The following EIF2D variants were observed in gnomAD, a reference collection of about 807,000 sequenced individuals.
EIF2D encodes hepatocellular carcinoma-associated antigen 56.
In EIF2D, 56 loss-of-function variants were observed where a neutral mutation model predicts 77.4. The ratio of observed to expected loss-of-function variants is 0.72; its 90% CI spans 0.58 to 0.90. The LOEUF is 0.90. EIF2D is among the 40% of genes least tolerant of loss of function. The pLI, the probability that EIF2D is intolerant of heterozygous loss-of-function variation, is 0.00. For synonymous variants in EIF2D, 230 were observed against 271.0 expected, an observed-to-expected ratio of 0.85 and a Z score of 1.49; for missense variants, 574 against 706.5, an observed-to-expected ratio of 0.81 and a Z score of 2.13.
At chr1:206,608,421 G>C in intron 3 of EIF2D, 95 bp from the exon 4 acceptor site, 2 of 960,580 alleles carry the variant, frequency 2.1e-6, no homozygotes. Flanking sequence ...CAAAAAAATA[G>C]TTACTAGGTA....
At chr1:206,605,227 T>C in intron 5 of EIF2D, 173 bp downstream of exon 5, 1 of 515,338 alleles carries the variant, frequency 1.9e-6, no homozygotes, top group Non-Finnish European at 3.4e-6. Context: ...TCATTACTTG[T>C]CCAAACAGGG....
intron 3 of EIF2D, among the ~76,000 whole-genome samples, chr1:206,608,532 G>T (rs1670309270): frequency 6.6e-6 from 1 of 152,116 alleles, no homozygotes. Context: ...ATGAAAAATG[G>T]CAACTTCAGT....
rs1192937407 is a variant in EIF2D at position 206,579,569 on chromosome 1, G to A, written c.*254+1123C>T. On this transcript the variant is annotated intron_variant and NMD_transcript_variant, in intron 4 of 5. Transcript: ENST00000472709. The surrounding 1 kb of genome is among the most constrained non-coding windows in gnomAD (Gnocchi z 4.2). ...GGCACCAAGTGTTAATTCAGCAGCTGGATGAAGACCCTTGAGGTCTGGAAT... is the reference window on the plus strand; with the variant it reads ...GGCACCAAGTGTTAATTCAGCAGCTAGATGAAGACCCTTGAGGTCTGGAAT... Among the ~76,000 whole-genome samples the A allele has an allele frequency of 2.0e-5, 3 of 152,174 alleles. No individual in the cohort carries two copies. Among genetic ancestry groups the A allele is most frequent in the Non-Finnish European group, 4.4e-5 (3 of 68,018 alleles).
At position 206,595,820 on chromosome 1, in the gene EIF2D, C is replaced by A; in HGVS notation, c.1407G>T (p.Gln469His). ...SLLTRCLEKL[Q>H]PAYQVTLPGQ... ...CGGGAAGGGTCACTTGATAGGCAGG[C>A]TGTAATTTTTCCAAACACCTGAAAC... The change falls in exon 13 of 15, where the codon CAG becomes CAT. Residue 469 changes from glutamine to histidine, a missense_variant. Physicochemically the swap from Gln to His is conservative, Grantham distance 24. Coordinates refer to ENST00000271764, the MANE Select transcript of EIF2D (RefSeq NM_006893.3). 6.2e-7 allele frequency: 1 copy of A among 1,614,104 alleles called. No individual in the cohort carries two copies. Among genetic ancestry groups the A allele is most frequent in the Non-Finnish European group, 8.5e-7 (1 of 1,179,990 alleles).
intron 12 of EIF2D, 53 bp from the exon 13 acceptor site, chr1:206,595,891 C>T (rs1422814523): frequency 4.4e-6 from 7 of 1,599,846 alleles, no homozygotes; most frequent in African/African-American, 1.3e-5. Context: ...AAACCATTTC[C>T]TCATACCCCA....
chr1:206,611,149 T>TA lies in EIF2D; in HGVS notation c.247+34dup, dbSNP rs1553413871. 2.5e-6 allele frequency: 4 copies of TA among 1,578,586 alleles called. No homozygotes were observed. The Admixed American group carries it at 6.9e-5, about 27-fold the overall frequency. On this transcript the variant is annotated intron_variant, in intron 2 of 14. Transcript: ENST00000271764. ...AAGCAGATGTTAGGCAAGAACTACC[T>TA]AATGGTAATGGCCATCTTCGTCCTG...
At chr1:206,587,584 G>A, downstream of EIF2D, 1 of 156,388 alleles carries the variant, frequency 6.4e-6, no homozygotes, top group Non-Finnish European at 1.4e-5. Context: ...GCTGAGGCTG[G>A]CTCAGAGATC....
downstream of EIF2D, chr1:206,588,663 G>T (rs1553408261): frequency 6.6e-6 from 1 of 152,388 alleles, no homozygotes; most frequent in East Asian, 1.9e-4. Context: ...ACCCCTCGTC[G>T]TATGAACTGT....
chr1:206,593,955 G>T, intron 13 of EIF2D, 162 bp from the exon 14 acceptor site: 1 of 572,338 alleles, frequency 1.7e-6, no homozygotes, highest in Non-Finnish European at 2.9e-6. Flanking sequence ...TTATTTTTGT[G>T]CTTCTAAATT....
At position 206,608,208 on chromosome 1, in the gene EIF2D, C is replaced by T. The variant is rs370435601; in HGVS notation, c.422+28G>A. The T allele has an allele frequency of 3.1e-6, 5 of 1,598,726 alleles. No individual in the cohort carries two copies. The African/African-American group carries it at 5.4e-5, about 17-fold the overall frequency. On this transcript the variant is annotated intron_variant, in intron 4 of 14. Transcript: ENST00000271764. ...CTTCTCTTTTACACAAGTTTTTCCC[C>T]CAAAGGCACAGTTGCCTGGCACAGT...
chr1:206,596,047 C>A (rs553979690), intron 12 of EIF2D, among the ~76,000 whole-genome samples: 3 of 152,268 alleles, frequency 2.0e-5, no homozygotes, highest in Admixed American at 2.0e-4. Flanking sequence ...TTAAAGCTCC[C>A]TAAAATGCGG....
chr1:206,572,703 T>A (rs1216220462), intron 4 of EIF2D: 3 of 152,136 alleles, frequency 2.0e-5, no homozygotes, highest in Non-Finnish European at 2.9e-5. Context: ...TTAATTTCTT[T>A]AAAATCATGA....
rs116290164 is a variant in EIF2D at position 206,611,334 on chromosome 1, G to A, written c.97C>T (p.Leu33Phe). ...AACTCAGAGACTTGATCAGTTCCAAGGGTGGGGAAAGCAGTTGTCACATCA... is the reference window on the plus strand; with the variant it reads ...AACTCAGAGACTTGATCAGTTCCAAAGGTGGGGAAAGCAGTTGTCACATCA... The part of the protein sequence containing the change: ...RADVTTAFPT[L>F]GTDQVSELVP... Residue 33 changes from leucine to phenylalanine, a missense_variant, in exon 2 of 15, where the codon CTT becomes TTT. Coordinates refer to ENST00000271764, the MANE Select transcript of EIF2D (RefSeq NM_006893.3). 8.9e-5 allele frequency: 143 copies of A among 1,614,204 alleles called. No individual in the cohort carries two copies. The African/African-American group carries it at 1.7e-3, about 19-fold the overall frequency.
chr1:206,607,133 G>A (rs555603925), intron 4 of EIF2D, among the ~76,000 whole-genome samples: 1 of 152,176 alleles, frequency 6.6e-6, no homozygotes, highest in East Asian at 1.9e-4. Context: ...GCAGATCTGT[G>A]TGTTCTTATT....
At chr1:206,603,915 T>C (rs1553411995) in intron 5 of EIF2D, among the ~76,000 whole-genome samples, 1 of 152,204 alleles carries the variant, frequency 6.6e-6, no homozygotes, top group Non-Finnish European at 1.5e-5. Context: ...AAAGGGTATG[T>C]TTAGGCTATT....
At chr1:206,583,725 G>A in intron 2 of EIF2D, 2 of 284,524 alleles carry the variant, frequency 7.0e-6, no homozygotes, top group South Asian at 6.8e-5. Context: ...GGACTTAGTT[G>A]CTCCCCTTCC....
chr1:206,605,763 C>T (rs1223582026), intron 4 of EIF2D, among the ~76,000 whole-genome samples: 1 of 152,174 alleles, frequency 6.6e-6, no homozygotes, highest in African/African-American at 2.4e-5. Context: ...TTTATCACTG[C>T]CTTTGTTTTA....
intron 2 of EIF2D, among the ~76,000 whole-genome samples, chr1:206,582,396 T>C (rs1668926936): frequency 6.6e-6 from 1 of 152,202 alleles, no homozygotes; most frequent in African/African-American, 2.4e-5. Context: ...TTCTGTTTCA[T>C]TCTGTACATA....
At chr1:206,605,559 C>A in intron 4 of EIF2D, 52 bp from the exon 5 acceptor site, 1 of 1,464,946 alleles carries the variant, frequency 6.8e-7, no homozygotes, top group Non-Finnish European at 9.5e-7. Context: ...ATGGGAAGGG[C>A]ACATGTTAGG....
Sources: gnomAD v4.1 joint callset for allele counts (sites outside exome capture counted in the v4.1 genomes callset) on GRCh38, gnomAD v4.1.1 for gene constraint, Gnocchi (gnomAD v3.1) non-coding constraint, MANE v1.5 for transcripts, NCBI Gene and HGNC (gene_info 2026-07-23, HGNC 2026-07-21) for gene names.